The following SERPINE2 variants were observed in gnomAD, a reference collection of about 807,000 sequenced individuals.
The protein encoded by SERPINE2 is serpin family E member 2.
In SERPINE2, 14 loss-of-function variants were observed where a neutral mutation model predicts 36.3. The observed-to-expected ratio is 0.39, with a 90% CI of 0.25 to 0.60. The LOEUF (loss-of-function observed/expected upper bound fraction) is 0.60. Among genes scored for constraint, SERPINE2 ranks in the 20% least tolerant of loss-of-function variants. The pLI is 0.57. For missense variants in SERPINE2, 418 were observed against 499.6 expected, an observed-to-expected ratio of 0.84 and a Z score of 1.56; for synonymous variants, 192 against 191.8, an observed-to-expected ratio of 1.00 and a Z score of -0.01.
chr2:224,003,440 A>C (rs1447504649), intron 1 of SERPINE2, among the ~76,000 whole-genome samples: 3 of 152,214 alleles, frequency 2.0e-5, no homozygotes, highest in East Asian at 3.8e-4. Context: ...TTTTACCATA[A>C]GCACACTGCT....
chr2:224,005,019 AT>A (rs1553546949), intron 1 of SERPINE2, among the ~76,000 whole-genome samples: 1 of 74,030 alleles, frequency 1.4e-5, no homozygotes, highest in Admixed American at 1.7e-4. Context: ...AGTATTATAT[AT>A]TATATTATAT....
Position 224,031,075 on chromosome 2 carries a change from C to CT in SERPINE2, c.-23+8023dup, listed in dbSNP as rs201790287. On this transcript the variant is annotated intron_variant, in intron 1 of 8. Transcript: ENST00000409304. ...AGGTAGTCTTGAAAGGAGGAGTGTG[C>CT]TTTGACACAAATTTCTTCTCAAGAA... 1.0e-2 allele frequency: 9,841 copies of CT among 985,342 alleles called. 272 individuals are homozygous for CT. The highest frequency in any genetic ancestry group is 0.09 in the African/African-American group (5,175 of 57,304). 61.0% of individuals were successfully genotyped at this position (985,342 alleles called of 1,614,324 possible). A position where few individuals can be genotyped will look rare whatever the true frequency, so the allele number is the denominator to read the frequency against.
At chr2:224,027,814 C>G (rs1276814131) in intron 1 of SERPINE2, among the ~76,000 whole-genome samples, 4 of 152,162 alleles carry the variant, frequency 2.6e-5, no homozygotes, top group Non-Finnish European at 5.9e-5. Context: ...CTGTGCCCCT[C>G]TAAGCACCTC....
intron 1 of SERPINE2, among the ~76,000 whole-genome samples, chr2:224,011,776 T>C (rs1023205250): frequency 2.6e-5 from 4 of 152,204 alleles, no homozygotes; most frequent in Admixed American, 1.3e-4. Context: ...TAAAAAAGAT[T>C]CAGGTCCAAA....
At chr2:223,999,904 TC>T (rs1258382136) in intron 2 of SERPINE2, among the ~76,000 whole-genome samples, 1 of 152,170 alleles carries the variant, frequency 6.6e-6, no homozygotes, top group Non-Finnish European at 1.5e-5. Flanking sequence ...TTTCTGAACT[TC>T]CAAGCAAGGG....
At chr2:223,985,378 G>T (rs2106141046) in intron 4 of SERPINE2, among the ~76,000 whole-genome samples, 1 of 149,646 alleles carries the variant, frequency 6.7e-6, no homozygotes, top group East Asian at 2.0e-4. Context: ...CATATAGATA[G>T]TAAAATAGTT....
chr2:223,992,142 T>C, intron 3 of SERPINE2, 142 bp from the exon 4 acceptor site: 1 of 683,588 alleles, frequency 1.5e-6, no homozygotes, highest in Non-Finnish European at 2.5e-6. Context: ...TAAACTACCC[T>C]TTTGTACTTT....
intron 1 of SERPINE2, among the ~76,000 whole-genome samples, chr2:224,010,913 C>T (rs1459613623): frequency 6.6e-6 from 1 of 152,172 alleles, no homozygotes; most frequent in Non-Finnish European, 1.5e-5. Context: ...ACACTGCTAC[C>T]TTGATAAAGC....
intron 1 of SERPINE2, among the ~76,000 whole-genome samples, chr2:224,024,682 C>A (rs535295297): frequency 6.6e-6 from 1 of 152,310 alleles, no homozygotes; most frequent in East Asian, 1.9e-4. Flanking sequence ...ATGAGGATTA[C>A]GCGAAGATGC....
Position 223,991,934 on chromosome 2 carries a change from T to G in SERPINE2, c.554A>C (p.Asn185Thr), listed in dbSNP as rs1559200378. The change falls in exon 4 of 9, where the codon AAC becomes ACC. Residue 185 changes from asparagine to threonine, a missense_variant. By Grantham distance (65) the Asn-to-Thr change is moderately conservative. Transcript: ENST00000409304. The part of the protein sequence containing the change: ...DGVLTRLVLV[N>T]AVYFKGLWKS... ...CCACAGACCCTTGAAATACACTGCGTTGACGAGGACCAGTCTGGTGAGCAC... is the reference window on the plus strand; with the variant it reads ...CCACAGACCCTTGAAATACACTGCGGTGACGAGGACCAGTCTGGTGAGCAC... 4 of 1,613,398 alleles carry G rather than the reference T, an allele frequency of 2.5e-6. No individual in the cohort carries two copies. The highest frequency in any genetic ancestry group is 2.5e-6 in the Non-Finnish European group (3 of 1,179,778).
At chr2:224,017,262 A>C (rs1280299831) in intron 1 of SERPINE2, among the ~76,000 whole-genome samples, 1 of 31,730 alleles carries the variant, frequency 3.2e-5, no homozygotes, top group Admixed American at 5.1e-4. Flanking sequence ...TCTCTGAATT[A>C]CTACTTTTTT....
intron 2 of SERPINE2, 30 bp downstream of exon 2, chr2:224,001,612 C>T (rs760918976): frequency 1.3e-6 from 2 of 1,595,696 alleles, no homozygotes; most frequent in East Asian, 2.2e-5. Context: ...CAGGCAAAGG[C>T]TCCGCCAGTG....
intron 5 of SERPINE2, among the ~76,000 whole-genome samples, chr2:223,983,910 G>GCCA: frequency 6.6e-6 from 1 of 151,134 alleles, no homozygotes; most frequent in African/African-American, 2.4e-5. Context: ...GGCCTACGAT[G>GCCA]CCACCATCTT....
chr2:224,001,678 T>A lies in SERPINE2; in HGVS notation c.223A>T (p.Lys75Ter), dbSNP rs762939421. The A allele has an allele frequency of 6.2e-7, 1 of 1,614,006 alleles. No homozygotes were observed. The highest frequency in any genetic ancestry group is 8.5e-7 in the Non-Finnish European group (1 of 1,180,034). ...TATCTCATCACCATGGCGAGCTGCT[T>A]CTTGGTCCTGCCGTCCGCCCCCAGC... ...LQLGADGRTK[K>*]QLAMVMRYGV... is the part of the protein sequence containing the mutation. Residue 75 changes from lysine (K) to a stop codon, truncating the protein, a stop_gained, in exon 2 of 9, where the codon AAG (lysine) becomes TAG (stop). Coordinates refer to ENST00000409304, the MANE Select transcript of SERPINE2 (RefSeq NM_001136528.2). LOFTEE classifies it high-confidence loss of function.
chr2:224,027,501 C>T (rs549468354), intron 1 of SERPINE2, among the ~76,000 whole-genome samples: 1 of 152,270 alleles, frequency 6.6e-6, no homozygotes, highest in South Asian at 2.1e-4. Context: ...CCAAACATGT[C>T]ACTGGTATCA....
chr2:223,978,219 G>A (rs939805272), intron 7 of SERPINE2: 1 of 152,810 alleles, frequency 6.5e-6, no homozygotes, highest in Non-Finnish European at 1.5e-5. Flanking sequence ...TTTAGAGACA[G>A]GGTTTCACTA....
intron 1 of SERPINE2, among the ~76,000 whole-genome samples, chr2:224,014,392 A>G (rs1351607129): frequency 6.6e-6 from 1 of 152,174 alleles, no homozygotes; most frequent in Non-Finnish European, 1.5e-5. Flanking sequence ...AGAAAAAGAA[A>G]AAAAGAAAAA....
intron 1 of SERPINE2, among the ~76,000 whole-genome samples, chr2:224,028,048 A>G (rs1229851291): frequency 2.0e-5 from 3 of 152,212 alleles, no homozygotes; most frequent in Non-Finnish European, 4.4e-5. Flanking sequence ...ATGGGACTCT[A>G]GGATCGGGTT....
intron 1 of SERPINE2, among the ~76,000 whole-genome samples, chr2:224,037,099 G>A (rs1469978479): frequency 3.3e-5 from 5 of 152,206 alleles, no homozygotes; most frequent in Admixed American, 3.3e-4. Flanking sequence ...AAGAATGACA[G>A]TTTCAAGCGA....
Sources: allele counts gnomAD v4.1 joint callset (sites outside exome capture counted in the v4.1 genomes callset), GRCh38; gene constraint gnomAD v4.1.1; transcripts MANE v1.5; gene names NCBI Gene and HGNC (gene_info 2026-07-23, HGNC 2026-07-21).